Variants in ZNF69 observed in about 807,000 individuals in gnomAD.
The protein encoded by ZNF69 is zinc finger protein 69, also known as ZNF3.
A neutral mutation model predicts 50.9 loss-of-function variants in ZNF69; 47 were observed. That is an observed-to-expected ratio of 0.92 (90% CI 0.73 to 1.18). The LOEUF is 1.18. ZNF69 is among the 50% of genes most tolerant of loss of function. The pLI is 0.00. For synonymous variants in ZNF69, 216 were observed against 223.1 expected (o/e 0.97, Z 0.29); for missense variants, 717 against 675.1 (o/e 1.06, Z -0.69).
At position 11,905,242 on chromosome 19, in the gene ZNF69, G is replaced by T. The variant is rs1323493364; in HGVS notation, c.845G>T (p.Gly282Val). Residue 282 changes from glycine to valine, a missense_variant, in exon 4 of 4, where the codon GGG becomes GTG. Gly to Val is a moderately radical substitution (Grantham distance 109, BLOSUM62 -3). Coordinates refer to ENST00000429654, the MANE Select transcript of ZNF69 (RefSeq NM_001364730.1). ...GEKPYECQQC[G>V]KAFHSPRCYR... is the part of the protein sequence containing the mutation. Reference sequence around the variant, plus strand: ...AAGCCTTATGAATGTCAGCAATGTGGGAAAGCATTTCATAGTCCCAGATGC... The same window carrying T: ...AAGCCTTATGAATGTCAGCAATGTGTGAAAGCATTTCATAGTCCCAGATGC... The T allele has an allele frequency of 6.2e-7, 1 of 1,614,094 alleles. No individual in the cohort carries two copies. The highest frequency in any genetic ancestry group is 1.7e-5 in the Admixed American group (1 of 60,004).
In ZNF69 at chr19:11,905,938, C is replaced by G; in HGVS notation, c.1541C>G (p.Ala514Gly). ...KLYECKQCGEAFSSSSSFRYH... is the reference protein window; with the variant it reads ...KLYECKQCGEGFSSSSSFRYH... ...TATGAATGCAAGCAATGTGGTGAAGCCTTCAGTAGTTCCAGTTCCTTTCGA... is the reference window on the plus strand; with the variant it reads ...TATGAATGCAAGCAATGTGGTGAAGGCTTCAGTAGTTCCAGTTCCTTTCGA... Residue 514 changes from alanine (A) to glycine (G), a missense_variant, in exon 4 of 4, where the codon GCC becomes GGC. Physicochemically the swap from Ala to Gly is moderately conservative, Grantham distance 60. Transcript: ENST00000429654. 5 of 1,613,896 alleles carry G rather than the reference C, an allele frequency of 3.1e-6. No homozygotes were observed. The highest frequency in any genetic ancestry group is 4.2e-6 in the Non-Finnish European group (5 of 1,179,972).
the ZNF69 span, chr19:11,947,053 T>C: frequency 7.1e-7 from 1 of 1,414,896 alleles, no homozygotes; most frequent in South Asian, 1.5e-5. Context: ...GAGAAAGGGA[T>C]CTGATAACCG....
downstream of ZNF69, among the ~76,000 whole-genome samples, chr19:11,907,585 G>A (rs577705593): frequency 6.6e-6 from 1 of 152,132 alleles, no homozygotes; most frequent in Non-Finnish European, 1.5e-5. Flanking sequence ...AGCTTCATAA[G>A]TGAAGGAGAA....
chr19:11,905,007 C>T lies in ZNF69; in HGVS notation c.610C>T (p.His204Tyr), dbSNP rs914554773. 1.9e-6 allele frequency: 3 copies of T among 1,613,990 alleles called. No homozygotes were observed. Among genetic ancestry groups the T allele is most frequent in the Non-Finnish European group, 8.5e-7 (1 of 1,179,972 alleles). Residue 204 changes from histidine (H) to tyrosine (Y), a missense_variant, in exon 4 of 4, where the codon CAT (histidine) becomes TAT (tyrosine). Physicochemically the swap from His to Tyr is moderately conservative, Grantham distance 83. Coordinates refer to ENST00000429654, the MANE Select transcript of ZNF69 (RefSeq NM_001364730.1). ...AGAATGTGGAAAAACTTTTATTTCCCATTCAAGCATTCAAAGACACGTGGT... is the reference window on the plus strand; with the variant it reads ...AGAATGTGGAAAAACTTTTATTTCCTATTCAAGCATTCAAAGACACGTGGT... ...CKECGKTFIS[H>Y]SSIQRHVVMH...
the ZNF69 span, among the ~76,000 whole-genome samples, chr19:11,935,049 C>T: frequency 7.6e-5 from 11 of 144,834 alleles, 1 homozygote; most frequent in East Asian, 2.1e-4. Context: ...TGGTGGCGGG[C>T]GCCTATAGTC....
At chr19:11,912,921 G>C (rs573151111) in intron 4 of ZNF69, among the ~76,000 whole-genome samples, 1 of 152,278 alleles carries the variant, frequency 6.6e-6, no homozygotes, top group East Asian at 1.9e-4. Context: ...TAATAGTAAG[G>C]CCGGGTGCGG....
chr19:11,896,047 C>T (rs1216106680), intron 1 of ZNF69, among the ~76,000 whole-genome samples: 1 of 151,758 alleles, frequency 6.6e-6, no homozygotes, highest in African/African-American at 2.4e-5. Flanking sequence ...TGGTGAAACC[C>T]TGTCACTACT....
At chr19:11,965,934 G>T in the ZNF69 span, among the ~76,000 whole-genome samples, 7 of 152,174 alleles carry the variant, frequency 4.6e-5, no homozygotes, top group Non-Finnish European at 8.8e-5. Flanking sequence ...GGGTTAGAAG[G>T]CACAGGTGGT....
At position 11,900,822 on chromosome 19, in the gene ZNF69, G is replaced by C. The variant is rs143381358; in HGVS notation, c.64-2751G>C. Among the ~76,000 whole-genome samples, 661 of 152,056 alleles carry C rather than the reference G, an allele frequency of 4.3e-3. 4 individuals carry two copies. The highest frequency in any genetic ancestry group is 0.014 in the African/African-American group (599 of 41,472). On this transcript the variant is annotated intron_variant, in intron 1 of 3. Coordinates refer to ENST00000429654, the MANE Select transcript of ZNF69 (RefSeq NM_001364730.1). ...GTCTTTTCCAAAACATTTTTGTTTT[G>C]AATGAAGTCCAATTTATCGATTTTC...
chr19:11,938,417 ATGT>A, the ZNF69 span, among the ~76,000 whole-genome samples: 2 of 151,924 alleles, frequency 1.3e-5, no homozygotes, highest in Non-Finnish European at 2.9e-5. Context: ...CCGGTGTGTG[ATGT>A]TCCCCTCCCT....
At chr19:11,965,529 G>C in the ZNF69 span, among the ~76,000 whole-genome samples, 3 of 152,264 alleles carry the variant, frequency 2.0e-5, no homozygotes, top group African/African-American at 7.2e-5. Flanking sequence ...GGGAAATCCT[G>C]ACTCGTGTGT....
chr19:11,979,530 C>G, the ZNF69 span: 25 of 1,600,098 alleles, frequency 1.6e-5, no homozygotes, highest in Admixed American at 6.8e-5. Flanking sequence ...ACTCACACTG[C>G]AGAGAAACCC....
chr19:11,965,335 G>C, the ZNF69 span: 2 of 1,352,344 alleles, frequency 1.5e-6, no homozygotes. Flanking sequence ...GAGTCCTCCT[G>C]GAGCTGCTCG....
rs1046388963 is a variant in ZNF69, at chr19:11,893,986, A to G, written c.63+6000A>G. 2.7e-4 allele frequency among the ~76,000 whole-genome samples: 41 copies of G among 152,200 alleles called. 1 individual carries two copies. Among genetic ancestry groups the G allele is most frequent in the Non-Finnish European group, 1.5e-5 (1 of 68,030 alleles). On this transcript the variant is annotated intron_variant, in intron 1 of 3. Transcript: ENST00000429654. ...AGACAAGGAACAGCCACTCCAACAT[A>G]GTGGAGCAATTGCCTGCAAAGCAAG...
chr19:11,935,676 C>A, the ZNF69 span, among the ~76,000 whole-genome samples: 2 of 152,252 alleles, frequency 1.3e-5, no homozygotes, highest in Admixed American at 1.3e-4. Flanking sequence ...TTAACAAAGT[C>A]ATTTCCAAAA....
At chr19:11,929,422 C>A in the ZNF69 span, among the ~76,000 whole-genome samples, 1 of 148,480 alleles carries the variant, frequency 6.7e-6, no homozygotes, top group Non-Finnish European at 1.5e-5. Flanking sequence ...CTTGGCCTCC[C>A]AGAATGGTGG....
the ZNF69 span, chr19:11,947,608 T>C: frequency 6.4e-7 from 1 of 1,563,898 alleles, no homozygotes; most frequent in South Asian, 1.1e-5. Context: ...GCAGTGTCTC[T>C]CTGCACAATC....
chr19:11,919,218 A>AT (rs1457603577), downstream of ZNF69, among the ~76,000 whole-genome samples: 3 of 150,502 alleles, frequency 2.0e-5, no homozygotes, highest in Non-Finnish European at 3.0e-5. Context: ...TTTTATTCTC[A>AT]TTTTTTCCTA....
chr19:11,949,011 T>TG, the ZNF69 span: 1 of 1,605,614 alleles, frequency 6.2e-7, no homozygotes, highest in African/African-American at 1.3e-5. Flanking sequence ...GGACCCACTC[T>TG]GGGAAAAAAC....
Sources: gnomAD v4.1 joint callset for allele counts (sites outside exome capture counted in the v4.1 genomes callset) on GRCh38, gnomAD v4.1.1 for gene constraint, MANE v1.5 for transcripts, NCBI Gene and HGNC (gene_info 2026-07-23, HGNC 2026-07-21) for gene names.